Variants in CLIC5 observed in about 807,000 individuals in gnomAD.
CLIC5 encodes chloride intracellular channel protein 5.
In CLIC5, 20 loss-of-function variants were observed where a neutral mutation model predicts 24.7. The ratio of observed to expected loss-of-function variants is 0.81; its 90% CI spans 0.57 to 1.18. The LOEUF is 1.18. CLIC5 is among the 50% of genes most tolerant of loss of function. CLIC5 has a pLI of 0.00. For synonymous variants in CLIC5, 159 were observed against 135.6 expected (o/e 1.17, Z -1.20); for missense variants, 341 against 326.1 (o/e 1.05, Z -0.35).
At chr6:45,980,663 T>C (rs1765538762) in intron 1 of CLIC5, among the ~76,000 whole-genome samples, 1 of 151,380 alleles carries the variant, frequency 6.6e-6, no homozygotes, top group African/African-American at 2.4e-5. Flanking sequence ...ATGTTGTGAA[T>C]AGAGCATGCT....
intron 1 of CLIC5, among the ~76,000 whole-genome samples, chr6:46,065,515 C>A (rs571621454): frequency 6.6e-6 from 1 of 152,196 alleles, no homozygotes; most frequent in South Asian, 2.1e-4. Flanking sequence ...GGAAAAGAAT[C>A]CAAGTGCCCT....
chr6:46,003,914 G>C (rs1207177957), intron 1 of CLIC5, among the ~76,000 whole-genome samples: 1 of 152,158 alleles, frequency 6.6e-6, no homozygotes, highest in East Asian at 1.9e-4. Flanking sequence ...TTTGTATAGA[G>C]CAACCCATCA....
chr6:45,963,677 T>C (rs1430137404), intron 1 of CLIC5, among the ~76,000 whole-genome samples: 1 of 151,782 alleles, frequency 6.6e-6, no homozygotes, highest in Non-Finnish European at 1.5e-5. Context: ...GAAAGGAAAG[T>C]CAGAGAAGGA....
chr6:46,034,690 A>T (rs1767613088), intron 1 of CLIC5, among the ~76,000 whole-genome samples: 1 of 152,248 alleles, frequency 6.6e-6, no homozygotes, highest in African/African-American at 2.4e-5. Flanking sequence ...TTTCTGCCTT[A>T]GCTTCATTGG....
At chr6:46,008,194 A>G (rs6458484) in intron 1 of CLIC5, among the ~76,000 whole-genome samples, 64,706 of 151,928 alleles carry the variant, frequency 0.43, 13,981 homozygotes, top group Middle Eastern at 0.56. Context: ...CCCTCCTGCC[A>G]CTGTTGTTGG....
chr6:46,033,101 G>A (rs1767557262), intron 1 of CLIC5, among the ~76,000 whole-genome samples: 1 of 146,280 alleles, frequency 6.8e-6, no homozygotes, highest in Non-Finnish European at 1.5e-5. Context: ...CAATTCTCCT[G>A]CCTCAGCCTC....
chr6:45,957,071 G>C, intron 1 of CLIC5, among the ~76,000 whole-genome samples: 1 of 152,116 alleles, frequency 6.6e-6, no homozygotes, highest in East Asian at 1.9e-4. Context: ...CCCAGGGCCA[G>C]TTATGGTGGA....
chr6:46,093,634 T>A, the CLIC5 span, among the ~76,000 whole-genome samples: 1 of 152,298 alleles, frequency 6.6e-6, no homozygotes, highest in Admixed American at 6.5e-5. Context: ...CAGATATTGA[T>A]GAGGATGTCT....
At chr6:46,071,171 G>A (rs373608345) in intron 1 of CLIC5, among the ~76,000 whole-genome samples, 1 of 152,118 alleles carries the variant, frequency 6.6e-6, no homozygotes, top group East Asian at 1.9e-4. Flanking sequence ...AACAGGCAAA[G>A]ATTTCATGAC....
rs562808042 is a variant in CLIC5, at chr6:45,915,000, G to A, written c.407-591C>T. ...GCTGGAGTGCAGTGGCGTGATCTGG[G>A]CTCACTGCAACCTCCGACTCCCTGG... On this transcript the variant is annotated intron_variant, in intron 4 of 5. Transcript: ENST00000339561. Among the ~76,000 whole-genome samples, 47 of 151,890 alleles carry A rather than the reference G, an allele frequency of 3.1e-4. 1 individual carries two copies. In the South Asian group the frequency reaches 9.2e-3, roughly 30 times the overall value.
the CLIC5 span, among the ~76,000 whole-genome samples, chr6:46,129,326 C>A: frequency 3.0e-4 from 46 of 152,342 alleles, no homozygotes; most frequent in African/African-American, 1.0e-3. Context: ...TTGGTAACTG[C>A]TCTTTATGTT....
At chr6:46,125,724 GC>G in the CLIC5 span, among the ~76,000 whole-genome samples, 1 of 152,214 alleles carries the variant, frequency 6.6e-6, no homozygotes, top group East Asian at 1.9e-4. Flanking sequence ...TTGGACTCCA[GC>G]TCTTGGCTTT....
the CLIC5 span, among the ~76,000 whole-genome samples, chr6:46,103,460 T>G: frequency 6.6e-6 from 1 of 152,186 alleles, no homozygotes; most frequent in Admixed American, 6.5e-5. Flanking sequence ...TAAGAAAGAT[T>G]AATGAGAGTC....
intron 3 of CLIC5, among the ~76,000 whole-genome samples, chr6:45,947,264 C>G (rs779440713): frequency 6.6e-6 from 1 of 152,182 alleles, no homozygotes; most frequent in Admixed American, 6.5e-5. Context: ...AGGAAAGGCA[C>G]AGTTGCACTG....
rs62400479 is a variant in CLIC5, at chr6:45,952,143, G to C, written c.174-2762C>G. On this transcript the variant is annotated intron_variant, in intron 2 of 5. Transcript: ENST00000339561. ...TGGTGGTGGTGATGGTGGTGGTGGT[G>C]GGTTTTTTCCTGGGATTCTGGAGAA... Among the ~76,000 whole-genome samples the C allele has an allele frequency of 4.2e-3, 636 of 152,216 alleles. 3 individuals carry two copies. The highest frequency in any genetic ancestry group is 0.014 in the African/African-American group (596 of 41,522).
chr6:45,963,509 T>C (rs1032036681), intron 1 of CLIC5, among the ~76,000 whole-genome samples: 5 of 152,212 alleles, frequency 3.3e-5, no homozygotes, highest in African/African-American at 9.7e-5. Flanking sequence ...CTCCTTTTTC[T>C]GGCATTTGCC....
At chr6:45,913,837 T>G (rs1246221327) in intron 5 of CLIC5, 1 of 1,230,132 alleles carries the variant, frequency 8.1e-7, no homozygotes, top group Non-Finnish European at 1.0e-6. Flanking sequence ...AAAATGCATA[T>G]GAGGGCACAT....
chr6:45,896,671 T>A (rs1762396915), downstream of CLIC5, among the ~76,000 whole-genome samples: 1 of 152,222 alleles, frequency 6.6e-6, no homozygotes, highest in Non-Finnish European at 1.5e-5. Flanking sequence ...ATTTACAATG[T>A]CACTTCTCTG....
At chr6:45,890,576 G>A (rs1762339788) in intron 6 of CLIC5, among the ~76,000 whole-genome samples, 1 of 152,090 alleles carries the variant, frequency 6.6e-6, no homozygotes, top group Non-Finnish European at 1.5e-5. Flanking sequence ...ATACCCAAAG[G>A]AATTGTAATC....
Sources: allele counts gnomAD v4.1 joint callset (sites outside exome capture counted in the v4.1 genomes callset), GRCh38; gene constraint gnomAD v4.1.1; transcripts MANE v1.5; gene names NCBI Gene and HGNC (gene_info 2026-07-23, HGNC 2026-07-21).